The following ZNF589 variants were observed in gnomAD, a reference collection of about 807,000 sequenced individuals.
ZNF589 encodes the protein zinc finger protein 589.
A neutral mutation model predicts 13.6 loss-of-function variants in ZNF589; 17 were observed. The observed-to-expected ratio is 1.25, with a 90% CI of 0.86 to 1.88. The LOEUF (loss-of-function observed/expected upper bound fraction) is 1.88, where lower values mean the gene tolerates loss of function less well. Among genes scored for constraint, ZNF589 ranks in the 40% most tolerant of loss-of-function variants. The pLI, the probability that ZNF589 is intolerant of heterozygous loss-of-function variation, is 0.00. For synonymous variants in ZNF589, 148 were observed against 161.6 expected, an observed-to-expected ratio of 0.92 and a Z score of 0.64; for missense variants, 407 against 434.0, an observed-to-expected ratio of 0.94 and a Z score of 0.55.
intron 2 of ZNF589, among the ~76,000 whole-genome samples, chr3:48,250,170 T>C (rs1418019399): frequency 2.0e-5 from 3 of 151,988 alleles, no homozygotes; most frequent in Admixed American, 2.0e-4. Context: ...ACTCTAAGCT[T>C]CCTACTTTGC....
intron 2 of ZNF589, among the ~76,000 whole-genome samples, chr3:48,258,542 GT>G (rs1453646377): frequency 6.6e-6 from 1 of 152,092 alleles, no homozygotes; most frequent in African/African-American, 2.4e-5. Context: ...TGGACAGAAT[GT>G]TTGATTACTT....
At position 48,270,582 on chromosome 3, in the gene ZNF589, C is replaced by A. The variant is rs1167378323; in HGVS notation, c.*1796C>A. On this transcript the variant is annotated 3_prime_UTR_variant, in exon 4 of 4. Coordinates refer to ENST00000354698, the MANE Select transcript of ZNF589 (RefSeq NM_016089.3). ...CTTACTCCCTTGGGCTGGGGCTAGC[C>A]CTACCTGATACCCTGTGTCAATGAG... 6.8e-6 allele frequency: 2 copies of A among 295,366 alleles called. No individual in the cohort carries two copies. The highest frequency in any genetic ancestry group is 1.3e-5 in the Non-Finnish European group (2 of 150,872). 18.3% of individuals were successfully genotyped at this position (295,366 alleles called of 1,614,324 possible).
intron 3 of ZNF589, among the ~76,000 whole-genome samples, chr3:48,264,658 G>A (rs1221696837): frequency 1.3e-5 from 2 of 151,524 alleles, no homozygotes; most frequent in Non-Finnish European, 2.9e-5. Context: ...GTGAAACCCC[G>A]TCACTACTAA....
At chr3:48,250,616 C>T (rs537107859) in intron 2 of ZNF589, among the ~76,000 whole-genome samples, 1 of 150,472 alleles carries the variant, frequency 6.6e-6, no homozygotes, top group Non-Finnish European at 1.5e-5. Flanking sequence ...GGATTACAAG[C>T]ATGCGACACC....
intron 1 of ZNF589, among the ~76,000 whole-genome samples, chr3:48,241,737 G>A (rs1376890434): frequency 6.6e-6 from 1 of 152,048 alleles, no homozygotes; most frequent in Non-Finnish European, 1.5e-5. Flanking sequence ...TCACCATGTT[G>A]GCCAGGCTGG....
In ZNF589 at chr3:48,270,073, GACT is replaced by G; in HGVS notation, c.*1291_*1293del. ...CCTTGGAGGAATGGTCTTTGCATCT[GACT>G]ACTTCCTTCTGCAACTGTGTTCTTC... is the stretch of plus-strand genomic sequence containing the variant. On this transcript the variant is annotated 3_prime_UTR_variant, in exon 4 of 4. Coordinates refer to ENST00000354698, the MANE Select transcript of ZNF589 (RefSeq NM_016089.3). The G allele has an allele frequency of 2.2e-6, 1 of 457,230 alleles. No individual in the cohort carries two copies. The highest frequency in any genetic ancestry group is 1.5e-5 in the South Asian group (1 of 64,572). 28.3% of individuals were successfully genotyped at this position (457,230 alleles called of 1,614,324 possible). A position where few individuals can be genotyped will look rare whatever the true frequency, so the allele number is the denominator to read the frequency against.
At chr3:48,262,388 A>G (rs2033977456) in intron 3 of ZNF589, among the ~76,000 whole-genome samples, 3 of 151,906 alleles carry the variant, frequency 2.0e-5, no homozygotes, top group Admixed American at 1.3e-4. Flanking sequence ...ACGGGGTTTC[A>G]CCATGTTAGC....
intron 1 of ZNF589, among the ~76,000 whole-genome samples, chr3:48,241,886 C>G (rs564407052): frequency 2.0e-4 from 30 of 151,962 alleles, no homozygotes; most frequent in South Asian, 1.2e-3. Context: ...GGGATCTAGG[C>G]TCACTGCAGC....
intron 1 of ZNF589, among the ~76,000 whole-genome samples, chr3:48,242,000 G>A (rs1014146702): frequency 2.8e-4 from 43 of 152,052 alleles, no homozygotes; most frequent in African/African-American, 9.9e-4. Flanking sequence ...TTAGTAGAGA[G>A]GGGATTTCGC....
At chr3:48,241,261 G>A in intron 1 of ZNF589, 47 bp downstream of exon 1, 2 of 1,600,630 alleles carry the variant, frequency 1.2e-6, no homozygotes, top group Non-Finnish European at 1.7e-6. Flanking sequence ...TGCTCCAGCC[G>A]CAGGCGCCGC....
chr3:48,263,751 T>C (rs1368243274), intron 3 of ZNF589, among the ~76,000 whole-genome samples: 1 of 152,100 alleles, frequency 6.6e-6, no homozygotes, highest in Admixed American at 6.5e-5. Flanking sequence ...AGAGCAAGAC[T>C]CCATCTTGGA....
intron 3 of ZNF589, among the ~76,000 whole-genome samples, chr3:48,263,968 A>G (rs1463334060): frequency 1.3e-5 from 2 of 152,178 alleles, no homozygotes; most frequent in African/African-American, 2.4e-5. Flanking sequence ...TGTATTGACT[A>G]TTAAACACTG....
At chr3:48,247,584 G>C in intron 1 of ZNF589, 41 bp from the exon 2 acceptor site, 1 of 1,609,974 alleles carries the variant, frequency 6.2e-7, no homozygotes, top group East Asian at 2.2e-5. Flanking sequence ...TGATGGGCCT[G>C]GTAGGGCTGG....
In ZNF589 at chr3:48,268,952, T is replaced by C. The variant is rs375973003; in HGVS notation, c.*166T>C. ...GGTGAAACCTCACGTGTGTGAGGAG[T>C]GTGGGCATGGATTTAGCCAGAAGTC... is the stretch of plus-strand genomic sequence containing the variant. On this transcript the variant is annotated 3_prime_UTR_variant, in exon 4 of 4. Coordinates refer to ENST00000354698, the MANE Select transcript of ZNF589 (RefSeq NM_016089.3). 2.0e-5 allele frequency: 21 copies of C among 1,040,212 alleles called. No homozygotes were observed. The highest frequency in any genetic ancestry group is 1.6e-4 in the African/African-American group (10 of 62,178). 64.4% of individuals were successfully genotyped at this position (1,040,212 alleles called of 1,614,324 possible).
chr3:48,248,268 T>C (rs2033793000), intron 2 of ZNF589, among the ~76,000 whole-genome samples: 1 of 152,182 alleles, frequency 6.6e-6, no homozygotes. Context: ...GGTGGTGACA[T>C]CCCCATTTTC....
intron 2 of ZNF589, among the ~76,000 whole-genome samples, chr3:48,249,373 G>T (rs1306566268): frequency 6.6e-6 from 1 of 152,190 alleles, no homozygotes; most frequent in Non-Finnish European, 1.5e-5. Flanking sequence ...ACAGTGCTGG[G>T]ATTATAGGCA....
At chr3:48,243,030 A>G (rs2033715658) in intron 1 of ZNF589, among the ~76,000 whole-genome samples, 2 of 152,052 alleles carry the variant, frequency 1.3e-5, no homozygotes, top group African/African-American at 2.4e-5. Flanking sequence ...CCGAGATCGC[A>G]TGACTGCACT....
intron 2 of ZNF589, among the ~76,000 whole-genome samples, chr3:48,260,086 A>G (rs1175075226): frequency 6.6e-6 from 1 of 152,172 alleles, no homozygotes; most frequent in Non-Finnish European, 1.5e-5. Flanking sequence ...TAAAGATAGA[A>G]CACCACTGAA....
chr3:48,250,000 T>A (rs1326301317), intron 2 of ZNF589, among the ~76,000 whole-genome samples: 2 of 151,892 alleles, frequency 1.3e-5, no homozygotes, highest in African/African-American at 4.8e-5. Flanking sequence ...TGGTGGCGGG[T>A]GCCTATAATC....
Sources: allele counts gnomAD v4.1 joint callset (sites outside exome capture counted in the v4.1 genomes callset), GRCh38; gene constraint gnomAD v4.1.1; transcripts MANE v1.5; gene names NCBI Gene and HGNC (gene_info 2026-07-23, HGNC 2026-07-21).